The following PCMTD1 variants were observed in gnomAD, a reference collection of about 807,000 sequenced individuals.
PCMTD1 encodes the protein protein-L-isoaspartate (D-aspartate) O-methyltransferase domain containing 1, also known as protein-L-isoaspartate O-methyltransferase domain-containing protein 1.
PCMTD1 carries 12 observed loss-of-function variants against 37.6 expected under a neutral mutation model. The ratio of observed to expected loss-of-function variants is 0.32; its 90% confidence interval spans 0.20 to 0.52. PCMTD1 has a LOEUF of 0.52. Ranked by LOEUF, PCMTD1 falls within the 20% of genes least tolerant of loss-of-function variation. The pLI is 0.97. For missense variants in PCMTD1, 235 were observed against 421.3 expected, an observed-to-expected ratio of 0.56 and a Z score of 3.87; for synonymous variants, 117 against 135.8, an observed-to-expected ratio of 0.86 and a Z score of 0.96.
chr8:51,873,458 G>C (rs1237263510), intron 1 of PCMTD1, among the ~76,000 whole-genome samples: 1 of 152,176 alleles, frequency 6.6e-6, no homozygotes, highest in East Asian at 1.9e-4. Context: ...ACCAGAGAAA[G>C]TTTAATCAAT....
intron 5 of PCMTD1, among the ~76,000 whole-genome samples, chr8:51,831,235 T>C (rs1278466835): frequency 6.6e-6 from 1 of 151,824 alleles, no homozygotes; most frequent in Non-Finnish European, 1.5e-5. Flanking sequence ...GAGGCAGACG[T>C]TGCTGTGAGC....
intron 3 of PCMTD1, among the ~76,000 whole-genome samples, chr8:51,840,625 G>C (rs1461595397): frequency 1.3e-5 from 2 of 152,010 alleles, no homozygotes; most frequent in East Asian, 3.8e-4. Flanking sequence ...TAAAGATGAA[G>C]TGAATAAAAG....
chr8:51,861,341 T>TTTCTCATGGAAATATTCTGC (rs970401722), intron 1 of PCMTD1, 95 bp from the exon 2 acceptor site: 4 of 887,148 alleles, frequency 4.5e-6, no homozygotes, highest in Non-Finnish European at 6.5e-6. Flanking sequence ...TTAACTACCA[T>TTTCTCATGGAAATATTCTGC]TTCTCATGGA....
At chr8:51,854,211 T>C (rs982358604) in intron 2 of PCMTD1, among the ~76,000 whole-genome samples, 15 of 152,190 alleles carry the variant, frequency 9.9e-5, no homozygotes, top group Non-Finnish European at 1.6e-4. Flanking sequence ...AAAACCTGTA[T>C]TGACTTCTAA....
At chr8:51,854,000 A>G (rs2038345872) in intron 2 of PCMTD1, among the ~76,000 whole-genome samples, 1 of 152,198 alleles carries the variant, frequency 6.6e-6, no homozygotes, top group African/African-American at 2.4e-5. Flanking sequence ...AATTCTCAAG[A>G]GACAAAATTT....
intron 3 of PCMTD1, among the ~76,000 whole-genome samples, chr8:51,838,466 T>C (rs992887380): frequency 6.6e-6 from 1 of 151,874 alleles, no homozygotes; most frequent in Non-Finnish European, 1.5e-5. Context: ...CTCCAGCCTG[T>C]GCGACACAGC....
intron 3 of PCMTD1, among the ~76,000 whole-genome samples, chr8:51,837,212 T>C (rs560814183): frequency 1.3e-5 from 2 of 152,172 alleles, no homozygotes; most frequent in South Asian, 4.2e-4. Flanking sequence ...CAGAGAAAAA[T>C]CAAATCTCTA....
At chr8:51,851,040 G>A (rs1334025251) in intron 2 of PCMTD1, among the ~76,000 whole-genome samples, 1 of 152,182 alleles carries the variant, frequency 6.6e-6, no homozygotes, top group Non-Finnish European at 1.5e-5. Context: ...AAGAGAAGCT[G>A]TTCTAATATA....
At chr8:51,825,940 GT>G (rs1291829983) in intron 5 of PCMTD1, among the ~76,000 whole-genome samples, 1 of 151,552 alleles carries the variant, frequency 6.6e-6, no homozygotes, top group East Asian at 1.9e-4. Flanking sequence ...TTCAACCATT[GT>G]GGAGGACAGT....
At chr8:51,862,953 C>T (rs2038494845) in intron 1 of PCMTD1, among the ~76,000 whole-genome samples, 1 of 152,096 alleles carries the variant, frequency 6.6e-6, no homozygotes, top group South Asian at 2.1e-4. Context: ...ATAGGAGATG[C>T]CAATTCACTA....
chr8:51,845,421 A>G (rs955201005), intron 3 of PCMTD1: 6 of 361,738 alleles, frequency 1.7e-5, no homozygotes, highest in African/African-American at 1.2e-4. Flanking sequence ...TGTTTAATGA[A>G]TTCAACATTA....
chr8:51,893,384 A>G (rs576476681), intron 1 of PCMTD1, among the ~76,000 whole-genome samples: 33 of 152,324 alleles, frequency 2.2e-4, no homozygotes, highest in African/African-American at 7.5e-4. Flanking sequence ...TGAACTCTTC[A>G]GCAATGTAAG....
rs186120372 is a variant in PCMTD1, at chr8:51,891,765, A to G, written c.-96+7165T>C. 4.6e-3 allele frequency among the ~76,000 whole-genome samples: 695 copies of G among 151,428 alleles called. 9 individuals are homozygous for G. The highest frequency in any genetic ancestry group is 5.8e-3 in the South Asian group (28 of 4,804). ...AAATAACCTGATAAACTAGCTACAGAGGCTAAATAGGTAGTACAGTTTACA... is the reference window on the plus strand; with the variant it reads ...AAATAACCTGATAAACTAGCTACAGGGGCTAAATAGGTAGTACAGTTTACA... On this transcript the variant is annotated intron_variant, in intron 1 of 5. Coordinates refer to ENST00000522514, the MANE Select transcript of PCMTD1 (RefSeq NM_052937.4).
intron 1 of PCMTD1, among the ~76,000 whole-genome samples, chr8:51,887,567 TG>T (rs1312630975): frequency 7.2e-5 from 11 of 151,842 alleles, no homozygotes; most frequent in African/African-American, 2.7e-4. Context: ...CTGAACACCC[TG>T]AAACTCAATT....
At chr8:51,886,995 C>G (rs1322846279) in intron 1 of PCMTD1, among the ~76,000 whole-genome samples, 1 of 150,162 alleles carries the variant, frequency 6.7e-6, no homozygotes, top group Non-Finnish European at 1.5e-5. Context: ...ATGGCCCTTT[C>G]TTTCTTCCAT....
chr8:51,833,772 A>G, intron 3 of PCMTD1, 83 bp from the exon 4 acceptor site: 1 of 1,006,942 alleles, frequency 9.9e-7, no homozygotes, highest in South Asian at 1.7e-5. Flanking sequence ...CCTTTGAAAT[A>G]ATGACGTTAC....
Position 51,831,551 on chromosome 8 carries a change from C to T in PCMTD1, c.599G>A (p.Arg200Gln). 6 of 1,611,740 alleles carry T rather than the reference C, an allele frequency of 3.7e-6. No homozygotes were observed. Among genetic ancestry groups the T allele is most frequent in the South Asian group, 1.1e-5 (1 of 90,544 alleles). Residue 200 changes from arginine (R) to glutamine (Q), a missense_variant, in exon 5 of 6, where the codon CGA becomes CAA. Physicochemically the swap from Arg to Gln is conservative, Grantham distance 43 (BLOSUM62 1). Coordinates refer to ENST00000522514, the MANE Select transcript of PCMTD1 (RefSeq NM_052937.4). ...ACTTTCCCAAGTGTTCTGTCCAGTT[C>T]GCATAATCTGTGTTAACTATTTAGA... ...PIEDQLTQIM[R>Q]TGQNTWESKN...
chr8:51,868,493 G>A (rs968232363), intron 1 of PCMTD1, among the ~76,000 whole-genome samples: 1 of 152,124 alleles, frequency 6.6e-6, no homozygotes, highest in Non-Finnish European at 1.5e-5. Flanking sequence ...TGGCATCAAG[G>A]TTTGCGGTAT....
chr8:51,875,742 C>T (rs1407725745), intron 1 of PCMTD1, among the ~76,000 whole-genome samples: 1 of 152,048 alleles, frequency 6.6e-6, no homozygotes, highest in Non-Finnish European at 1.5e-5. Context: ...CCAACGTGGG[C>T]AACATGGAGA....
Sources: allele counts gnomAD v4.1 joint callset (sites outside exome capture counted in the v4.1 genomes callset), GRCh38; gene constraint gnomAD v4.1.1; transcripts MANE v1.5; gene names NCBI Gene and HGNC (gene_info 2026-07-23, HGNC 2026-07-21).